The following XPO1 variants were observed in gnomAD, a reference collection of about 807,000 sequenced individuals.
XPO1 encodes exportin-1.
XPO1 carries 5 observed loss-of-function variants against 133.3 expected under a neutral mutation model. The observed-to-expected ratio is 0.04, with a 90% CI of 0.02 to 0.08. XPO1 has a LOEUF of 0.08. XPO1 is among the 10% of genes least tolerant of loss of function. The pLI is 1.00. For synonymous variants in XPO1, 419 were observed against 408.2 expected (o/e 1.03, Z -0.32); for missense variants, 506 against 1,267.5 (o/e 0.40, Z 9.12).
chr2:61,496,385 A>C (rs1414753073), intron 10 of XPO1, among the ~76,000 whole-genome samples: 3 of 151,994 alleles, frequency 2.0e-5, no homozygotes, highest in African/African-American at 7.2e-5. Context: ...CTATTTTTTA[A>C]ATCTTTCGTA....
intron 2 of XPO1, among the ~76,000 whole-genome samples, chr2:61,529,053 G>A (rs540020994): frequency 6.6e-6 from 1 of 151,744 alleles, no homozygotes; most frequent in Admixed American, 6.6e-5. Flanking sequence ...GCCAGGTGTG[G>A]TGGGACACGC....
rs749885740 is a variant in XPO1 at position 61,482,891 on chromosome 2, G to A, written c.2812+66C>T. 11 of 1,588,842 alleles carry A rather than the reference G, an allele frequency of 6.9e-6. No homozygotes were observed. The Middle Eastern group carries it at 1.4e-3, about 201-fold the overall frequency. ...CCCCGCCTCGACCTCCCAAAGTGCT[G>A]GGATTATAGGCGTGAGGCCCTGTGC... On this transcript the variant is annotated intron_variant, in intron 22 of 24. Coordinates refer to ENST00000401558, the MANE Select transcript of XPO1 (RefSeq NM_003400.4).
chr2:61,484,030 C>T lies in XPO1; in HGVS notation c.2584G>A (p.Ala862Thr), dbSNP rs770962905. 1.1e-5 allele frequency: 17 copies of T among 1,613,674 alleles called. No homozygotes were observed. In the African/African-American group the frequency reaches 2.0e-4, roughly 19 times the overall value. Residue 862 changes from alanine (A) to threonine (T), a missense_variant, in exon 21 of 25, where the codon GCA becomes ACA. This residue lies in a region of XPO1 where 203 missense variants were observed against 365.9 expected (regional missense o/e 0.55). Transcript: ENST00000401558. ...LQAVNSHCFP[A>T]FLAIPPTQFK... ...TGTGTAGGTGGAATAGCAAGGAATG[C>T]TGGGAAACAATGAGAATTGACAGCC...
At chr2:61,518,963 T>C (rs1030060992) in intron 4 of XPO1, among the ~76,000 whole-genome samples, 5 of 152,206 alleles carry the variant, frequency 3.3e-5, no homozygotes, top group African/African-American at 9.6e-5. Context: ...TGTCTATCTT[T>C]TGCTCTTTTT....
At chr2:61,494,831 A>ATATAT (rs1553406229) in intron 11 of XPO1, 1 of 147,912 alleles carries the variant, frequency 6.8e-6, no homozygotes, top group African/African-American at 2.5e-5. Context: ...TATATATATA[A>ATATAT]AGAGAGAGAG....
intron 24 of XPO1, among the ~76,000 whole-genome samples, chr2:61,479,998 G>T (rs1030846987): frequency 2.6e-5 from 4 of 152,090 alleles, no homozygotes; most frequent in Non-Finnish European, 5.9e-5. Context: ...CCGAGTAGCT[G>T]GGACTACAGG....
At chr2:61,486,037 T>TGTCTATGAGATGTAGCATGATC (rs1696674308) in intron 19 of XPO1, 75 bp from the exon 20 acceptor site, 2 of 1,334,378 alleles carry the variant, frequency 1.5e-6, no homozygotes, top group African/African-American at 3.0e-5. Context: ...AGGTTATTCC[T>TGTCTATGAGATGTAGCATGATC]GTCTATGAGA....
chr2:61,504,211 T>G (rs114584104), intron 4 of XPO1, among the ~76,000 whole-genome samples: 2,418 of 152,300 alleles, frequency 0.016, 55 homozygotes, highest in African/African-American at 0.054. Flanking sequence ...GATCTCTTCA[T>G]AGTAAAACCT....
intron 4 of XPO1, among the ~76,000 whole-genome samples, chr2:61,510,937 C>CAAAAAAA (rs1163597698): frequency 1.6e-5 from 1 of 61,236 alleles, no homozygotes. Flanking sequence ...GACCTTATCT[C>CAAAAAAA]AAAAAAAAAA....
chr2:61,533,399 T>G (rs776562296), intron 2 of XPO1, among the ~76,000 whole-genome samples: 4 of 152,248 alleles, frequency 2.6e-5, no homozygotes, highest in Non-Finnish European at 5.9e-5. Context: ...ATACTTGGTA[T>G]TCCTGTTTTT....
intron 4 of XPO1, among the ~76,000 whole-genome samples, chr2:61,517,673 G>A (rs1185083686): frequency 6.6e-6 from 1 of 152,196 alleles, no homozygotes; most frequent in South Asian, 2.1e-4. Context: ...AAATTTCCCA[G>A]CCAGGCTTGG....
intron 3 of XPO1, among the ~76,000 whole-genome samples, chr2:61,522,936 A>C (rs1246259077): frequency 6.6e-6 from 1 of 152,218 alleles, no homozygotes. Context: ...AGGAGGAAGA[A>C]CCAAATAAAA....
At chr2:61,533,946 G>C (rs756297733) in intron 1 of XPO1, 43 bp from the exon 2 acceptor site, 137 of 1,414,382 alleles carry the variant, frequency 9.7e-5, no homozygotes, top group Non-Finnish European at 1.2e-4. Flanking sequence ...ATCAAGTTTT[G>C]GTATTATCAA....
intron 24 of XPO1, 49 bp downstream of exon 24, chr2:61,481,136 G>A: frequency 8.4e-7 from 1 of 1,194,818 alleles, no homozygotes; most frequent in South Asian, 1.5e-5. Flanking sequence ...TAACATAAAA[G>A]TGGTCACATC....
chr2:61,499,810 G>T lies in XPO1; in HGVS notation c.493C>A (p.Gln165Lys). The part of the protein sequence containing the change: ...GASRTSESLC[Q>K]NNMVILKLLS... ...AGTTTAAGAATCACCATATTATTTT[G>T]ACAGAGACTTTCGCTGGTCCTACTT... Residue 165 changes from glutamine (Q) to lysine (K), a missense_variant, in exon 7 of 25, where the codon CAA (glutamine) becomes AAA (lysine). By Grantham distance (53) the Gln-to-Lys change is moderately conservative. This residue lies in a region of XPO1 where 68 missense variants were observed against 210.5 expected (regional missense o/e 0.32). Transcript: ENST00000401558. 1 of 1,613,376 alleles carries T rather than the reference G, an allele frequency of 6.2e-7. No individual in the cohort carries two copies. Among genetic ancestry groups the T allele is most frequent in the South Asian group, 1.1e-5 (1 of 90,850 alleles).
At chr2:61,498,648 A>T in intron 9 of XPO1, 25 bp downstream of exon 9, 1 of 1,610,444 alleles carries the variant, frequency 6.2e-7, no homozygotes, top group Non-Finnish European at 8.5e-7. Context: ...TCCGGTGACA[A>T]ATAACTGAAA....
chr2:61,484,020 G>C lies in XPO1; in HGVS notation c.2594C>G (p.Ala865Gly), dbSNP rs778213592. 1 of 1,613,854 alleles carries C rather than the reference G, an allele frequency of 6.2e-7. No homozygotes were observed. Among genetic ancestry groups the C allele is most frequent in the East Asian group, 2.2e-5 (1 of 44,856 alleles). The change falls in exon 21 of 25, where the codon GCT becomes GGT. Residue 865 changes from alanine (A) to glycine (G), a missense_variant. Ala to Gly is a moderately conservative substitution (Grantham distance 60, BLOSUM62 0). Around this residue, in one of 6 missense-constraint regions of XPO1, gnomAD observed 203 missense variants for 365.9 expected, o/e 0.55. Coordinates refer to ENST00000401558, the MANE Select transcript of XPO1 (RefSeq NM_003400.4). ...VNSHCFPAFLAIPPTQFKLVL... is the reference protein window; with the variant it reads ...VNSHCFPAFLGIPPTQFKLVL... ...AAGTTTAAACTGTGTAGGTGGAATAGCAAGGAATGCTGGGAAACAATGAGA... is the reference window on the plus strand; with the variant it reads ...AAGTTTAAACTGTGTAGGTGGAATACCAAGGAATGCTGGGAAACAATGAGA...
At chr2:61,481,004 G>C (rs1411521720) in intron 24 of XPO1, among the ~76,000 whole-genome samples, 181 bp downstream of exon 24, 2 of 151,978 alleles carry the variant, frequency 1.3e-5, no homozygotes, top group East Asian at 3.9e-4. Context: ...ATCCTTATTG[G>C]ACTTTAGTTT....
intron 20 of XPO1, chr2:61,485,473 A>AGCCCCCCC (rs1553402570): frequency 9.7e-6 from 1 of 103,604 alleles, no homozygotes; most frequent in Admixed American, 1.1e-4. Flanking sequence ...GGCTCAAGTG[A>AGCCCCCCC]CCCCCCCCCC....
Sources: allele counts gnomAD v4.1 joint callset (sites outside exome capture counted in the v4.1 genomes callset), GRCh38; gene constraint gnomAD v4.1.1; regional missense constraint gnomAD v4.1.1; transcripts MANE v1.5; gene names NCBI Gene and HGNC (gene_info 2026-07-23, HGNC 2026-07-21).